The following LYAR variants were observed in gnomAD, a reference collection of about 807,000 sequenced individuals.
The protein encoded by LYAR is Ly1 antibody reactive, also known as cell growth-regulating nucleolar protein.
LYAR carries 37 observed loss-of-function variants against 45.2 expected under a neutral mutation model. The observed-to-expected ratio is 0.82, with a 90% CI of 0.63 to 1.08. The LOEUF (loss-of-function observed/expected upper bound fraction) is 1.08, where lower values mean the gene tolerates loss of function less well. Ranked by LOEUF, LYAR falls within the 50% of genes least tolerant of loss-of-function variation. The probability of loss-of-function intolerance (pLI) is 0.00; values close to 1 mark genes in which losing one functional copy is unlikely to be tolerated. For synonymous variants in LYAR, 176 were observed against 155.1 expected (o/e 1.14, Z -1.00); for missense variants, 493 against 451.0 (o/e 1.09, Z -0.84).
At chr4:4,281,668 A>G in intron 4 of LYAR, 115 bp downstream of exon 4, 1 of 770,158 alleles carries the variant, frequency 1.3e-6, no homozygotes, top group Non-Finnish European at 2.3e-6. Context: ...ATCCTAGGAC[A>G]TGAGGTTTCC....
chr4:4,281,137 G>C (rs1192521471), intron 4 of LYAR, among the ~76,000 whole-genome samples: 1 of 152,090 alleles, frequency 6.6e-6, no homozygotes, highest in Non-Finnish European at 1.5e-5. Flanking sequence ...AGATTAACAT[G>C]GCTTGAGTTA....
At position 4,268,551 on chromosome 4, in the gene LYAR, G is replaced by A; in HGVS notation, c.984C>T (p.Thr328=). 3 of 1,611,634 alleles carry A rather than the reference G, an allele frequency of 1.9e-6. No homozygotes were observed. The highest frequency in any genetic ancestry group is 2.5e-6 in the Non-Finnish European group (3 of 1,178,542). The change falls in exon 9 of 10, where the codon ACC becomes ACT. Residue 328 remains threonine, a synonymous_variant. Transcript: ENST00000343470. Reference sequence around the variant, plus strand: ...ATACCTTTTTCCTTAGCTTTTTGATGGTTATTTCATTGTCTGGGGCCTGTT... The same window carrying A: ...ATACCTTTTTCCTTAGCTTTTTGATAGTTATTTCATTGTCTGGGGCCTGTT... ...ILKQAPDNEI[T]IKKLRKKVLA...
At position 4,274,593 on chromosome 4, in the gene LYAR, T is replaced by C; in HGVS notation, c.606A>G (p.Glu202=). ...KEERQKKRKR[E]KKELKLENHQ... ...GGTTTTCTAACTTTAGTTCTTTCTT[T>C]TCTCTTTTCCTTTTCTTCTGCCGTT... Residue 202 remains glutamate, a synonymous_variant, in exon 7 of 10, where the codon GAA becomes GAG. Transcript: ENST00000343470. 1 of 1,613,656 alleles carries C rather than the reference T, an allele frequency of 6.2e-7. No individual in the cohort carries two copies. The highest frequency in any genetic ancestry group is 1.3e-5 in the African/African-American group (1 of 74,910).
intron 1 of LYAR, among the ~76,000 whole-genome samples, chr4:4,289,225 G>A (rs1440503977): frequency 6.6e-6 from 1 of 152,176 alleles, no homozygotes; most frequent in Admixed American, 6.5e-5. Flanking sequence ...CTGAGGCACA[G>A]AAGCCATTTC....
At chr4:4,287,314 T>C (rs924520298) in intron 1 of LYAR, among the ~76,000 whole-genome samples, 1 of 152,192 alleles carries the variant, frequency 6.6e-6, no homozygotes, top group Admixed American at 6.5e-5. Flanking sequence ...GCTCAGTCAC[T>C]TTAACTCAAT....
intron 6 of LYAR, among the ~76,000 whole-genome samples, chr4:4,278,572 C>G (rs898057256): frequency 1.1e-4 from 16 of 152,274 alleles, no homozygotes; most frequent in Non-Finnish European, 2.4e-4. Flanking sequence ...GCTGTGACCC[C>G]CTCACCCCTT....
At chr4:4,278,568 AC>A (rs912465670) in intron 6 of LYAR, among the ~76,000 whole-genome samples, 2 of 151,756 alleles carry the variant, frequency 1.3e-5, no homozygotes, top group South Asian at 2.1e-4. Context: ...GGCTGCTGTG[AC>A]CCCCTCACCC....
chr4:4,271,617 T>C (rs1218534179), intron 8 of LYAR, among the ~76,000 whole-genome samples: 1 of 152,210 alleles, frequency 6.6e-6, no homozygotes, highest in African/African-American at 2.4e-5. Context: ...GTTGTACTAA[T>C]TTACATTCCC....
intron 6 of LYAR, 103 bp from the exon 7 acceptor site, chr4:4,274,872 C>CGGTT: frequency 8.4e-7 from 1 of 1,187,354 alleles, no homozygotes; most frequent in African/African-American, 1.5e-5. Flanking sequence ...TCAAGAAAAA[C>CGGTT]GGTTGGTTTA....
chr4:4,286,645 A>AATTTTTTT, intron 1 of LYAR, 73 bp from the exon 2 acceptor site: 1 of 79,556 alleles, frequency 1.3e-5, no homozygotes, highest in African/African-American at 5.6e-5. Context: ...ATTTAATTAA[A>AATTTTTTT]CTTTTTTTTT....
Position 4,268,574 on chromosome 4 carries a change from G to C in LYAR, c.961C>G (p.Gln321Glu). 6.2e-7 allele frequency: 1 copy of C among 1,612,234 alleles called. No homozygotes were observed. The highest frequency in any genetic ancestry group is 8.5e-7 in the Non-Finnish European group (1 of 1,178,828). ...ATGGTTATTTCATTGTCTGGGGCCT[G>C]TTTCAGAATTGCTTTAATAGTTCCC... ...WKGTIKAILK[Q>E]APDNEITIKK... Residue 321 changes from glutamine (Q) to glutamate (E), a missense_variant, in exon 9 of 10, where the codon CAG (glutamine) becomes GAG (glutamate). By Grantham distance (29) the Gln-to-Glu change is conservative. Transcript: ENST00000343470.
At chr4:4,268,490 C>T (rs201341948) in intron 9 of LYAR, 40 bp downstream of exon 9, 1 of 1,262,310 alleles carries the variant, frequency 7.9e-7, no homozygotes. Flanking sequence ...AATAAGTTCT[C>T]CCCAGCTGTT....
chr4:4,274,258 A>ACCC (rs1560092494), intron 7 of LYAR, 109 bp downstream of exon 7: 57 of 1,231,642 alleles, frequency 4.6e-5, no homozygotes, highest in Middle Eastern at 2.0e-4. Flanking sequence ...AAAAAAAAAA[A>ACCC]ACCACACACA....
At chr4:4,286,599 G>A in intron 1 of LYAR, 27 bp from the exon 2 acceptor site, 1 of 148,438 alleles carries the variant, frequency 6.7e-6, no homozygotes, top group African/African-American at 2.5e-5. Flanking sequence ...AAACGGTATT[G>A]TTCAAATTCC....
chr4:4,267,758 A>T lies in LYAR; in HGVS notation c.*131T>A. The stretch of plus-strand genomic sequence containing the variant: ...TTCTCATAAAAGTTATACCAAAAAT[A>T]TATTTTCTTAACTTAAAAATACAGC... On this transcript the variant is annotated 3_prime_UTR_variant, in exon 10 of 10. Coordinates refer to ENST00000343470, the MANE Select transcript of LYAR (RefSeq NM_017816.3). The T allele has an allele frequency of 1.7e-6, 1 of 596,428 alleles. No individual in the cohort carries two copies. The highest frequency in any genetic ancestry group is 2.5e-6 in the Non-Finnish European group (1 of 392,772). 36.9% of individuals were successfully genotyped at this position (596,428 alleles called of 1,614,324 possible). A position where few individuals can be genotyped will look rare whatever the true frequency, so the allele number is the denominator to read the frequency against.
chr4:4,275,294 A>G (rs1362963713), intron 6 of LYAR, among the ~76,000 whole-genome samples: 1 of 152,226 alleles, frequency 6.6e-6, no homozygotes, highest in Non-Finnish European at 1.5e-5. Context: ...TCATGTGCTT[A>G]TTAGCATAAC....
At chr4:4,273,126 G>C (rs973572312) in intron 8 of LYAR, among the ~76,000 whole-genome samples, 7 of 152,172 alleles carry the variant, frequency 4.6e-5, no homozygotes, top group African/African-American at 1.7e-4. Context: ...AGTTGGGGAG[G>C]AGCGAAAGGG....
chr4:4,283,824 A>C, intron 2 of LYAR, 29 bp from the exon 3 acceptor site: 2 of 1,026,582 alleles, frequency 1.9e-6, no homozygotes, highest in Non-Finnish European at 2.7e-6. Context: ...TTATAATTAT[A>C]AACTGAAACT....
intron 1 of LYAR, among the ~76,000 whole-genome samples, chr4:4,288,818 T>C (rs2920259): frequency 0.4 from 60,260 of 152,030 alleles, 12,960 homozygotes; most frequent in East Asian, 0.55. Context: ...TGCATGCACA[T>C]GCAGACACTG....
Sources: gnomAD v4.1 joint callset for allele counts (sites outside exome capture counted in the v4.1 genomes callset) on GRCh38, gnomAD v4.1.1 for gene constraint, MANE v1.5 for transcripts, NCBI Gene and HGNC (gene_info 2026-07-23, HGNC 2026-07-21) for gene names.